EPHA6: variants seen among roughly 807,000 people sequenced by gnomAD.
EPHA6 encodes EPH receptor A6.
In EPHA6, 50 loss-of-function variants were observed where a neutral mutation model predicts 112.0. The ratio of observed to expected loss-of-function variants is 0.45; its 90% CI spans 0.36 to 0.56. The LOEUF (loss-of-function observed/expected upper bound fraction) is 0.56, where lower values mean the gene tolerates loss of function less well. Ranked by LOEUF, EPHA6 falls within the 20% of genes least tolerant of loss-of-function variation. The pLI is 0.00. For missense variants in EPHA6, 1,280 were observed against 1,417.4 expected, an observed-to-expected ratio of 0.90 and a Z score of 1.56; for synonymous variants, 529 against 490.7, an observed-to-expected ratio of 1.08 and a Z score of -1.03.
At chr3:97,130,287 C>T (rs563346369) in intron 3 of EPHA6, among the ~76,000 whole-genome samples, 5 of 151,910 alleles carry the variant, frequency 3.3e-5, no homozygotes, top group African/African-American at 1.2e-4. Flanking sequence ...TCTTTTTCTT[C>T]ATTTTTTCTC....
intron 11 of EPHA6, among the ~76,000 whole-genome samples, chr3:97,559,121 T>C (rs1027585865): frequency 6.6e-6 from 1 of 152,004 alleles, no homozygotes; most frequent in Non-Finnish European, 1.5e-5. Flanking sequence ...AGTATAATGA[T>C]GACAAAAGGA....
intron 3 of EPHA6, among the ~76,000 whole-genome samples, chr3:97,076,820 C>A (rs1034637170): frequency 6.6e-6 from 1 of 152,216 alleles, no homozygotes; most frequent in East Asian, 1.9e-4. Context: ...TATGGTAAAT[C>A]TACTCTGCCT....
At chr3:96,884,055 T>C (rs1292480540) in intron 2 of EPHA6, among the ~76,000 whole-genome samples, 2 of 152,178 alleles carry the variant, frequency 1.3e-5, no homozygotes, top group Non-Finnish European at 2.9e-5. Flanking sequence ...TTCTGGATTC[T>C]CTATTCTGTT....
At chr3:97,618,586 T>C (rs554681882) in intron 13 of EPHA6, among the ~76,000 whole-genome samples, 13 of 151,214 alleles carry the variant, frequency 8.6e-5, no homozygotes, top group African/African-American at 3.1e-4. Flanking sequence ...ATAAGGGAGA[T>C]ATTACCCCAC....
chr3:97,281,655 A>G (rs1192105097), intron 5 of EPHA6, among the ~76,000 whole-genome samples: 1 of 152,190 alleles, frequency 6.6e-6, no homozygotes, highest in Non-Finnish European at 1.5e-5. Context: ...TAATATTTTC[A>G]ACATCATCAT....
intron 5 of EPHA6, among the ~76,000 whole-genome samples, chr3:97,252,417 A>G (rs2108599982): frequency 6.6e-6 from 1 of 152,230 alleles, no homozygotes; most frequent in Admixed American, 6.5e-5. Context: ...ACTCACACAC[A>G]TACACACACA....
At chr3:97,576,417 C>T (rs2093385661) in intron 11 of EPHA6, among the ~76,000 whole-genome samples, 1 of 152,164 alleles carries the variant, frequency 6.6e-6, no homozygotes, top group Admixed American at 6.5e-5. Flanking sequence ...TTACATCCCA[C>T]TCATCAACTG....
chr3:97,419,400 G>A (rs534643608), intron 6 of EPHA6, among the ~76,000 whole-genome samples: 1 of 152,230 alleles, frequency 6.6e-6, no homozygotes, highest in South Asian at 2.1e-4. Context: ...GAGGTGGGTG[G>A]ATCACCTGAG....
intron 2 of EPHA6, among the ~76,000 whole-genome samples, chr3:96,896,887 G>C (rs2038300324): frequency 6.6e-6 from 1 of 151,970 alleles, no homozygotes; most frequent in Admixed American, 6.6e-5. Flanking sequence ...TAAATTTTTA[G>C]AAACTTCTGC....
intron 2 of EPHA6, among the ~76,000 whole-genome samples, chr3:96,884,658 T>C (rs149761911): frequency 0.012 from 1,874 of 152,256 alleles, 39 homozygotes; most frequent in African/African-American, 0.041. Flanking sequence ...AACGATCATA[T>C]TGTCAGCAAA....
intron 10 of EPHA6, among the ~76,000 whole-genome samples, chr3:97,513,449 T>A (rs994783366): frequency 7.2e-5 from 11 of 152,160 alleles, no homozygotes; most frequent in African/African-American, 2.4e-4. Context: ...ATGGATTTTT[T>A]AAAATGTGAT....
intron 5 of EPHA6, among the ~76,000 whole-genome samples, chr3:97,378,933 G>A (rs2085547503): frequency 6.6e-6 from 1 of 152,162 alleles, no homozygotes; most frequent in African/African-American, 2.4e-5. Context: ...AATGAGTTAA[G>A]ACTTTGGGGG....
intron 2 of EPHA6, among the ~76,000 whole-genome samples, chr3:96,935,009 T>C (rs1169887352): frequency 9.2e-5 from 14 of 151,802 alleles, no homozygotes; most frequent in Admixed American, 9.2e-4. Flanking sequence ...AATATAAAGA[T>C]TCAAATATTG....
intron 14 of EPHA6, among the ~76,000 whole-genome samples, chr3:97,643,295 T>C (rs1183548498): frequency 1.3e-5 from 2 of 151,480 alleles, no homozygotes; most frequent in Admixed American, 6.6e-5. Context: ...AAGGAAGCGC[T>C]AAACATGGAA....
intron 5 of EPHA6, among the ~76,000 whole-genome samples, chr3:97,305,115 C>A (rs965187225): frequency 6.6e-6 from 1 of 151,940 alleles, no homozygotes; most frequent in Non-Finnish European, 1.5e-5. Context: ...ATCTGGCCAA[C>A]AAACATCTGA....
At chr3:96,973,789 G>T (rs1176649610) in intron 2 of EPHA6, among the ~76,000 whole-genome samples, 2 of 145,594 alleles carry the variant, frequency 1.4e-5, no homozygotes, top group Admixed American at 7.0e-5. Flanking sequence ...CATGCCACTG[G>T]TCTCCAGCCT....
chr3:96,847,282 A>C (rs1444084122), intron 1 of EPHA6, among the ~76,000 whole-genome samples: 1 of 152,116 alleles, frequency 6.6e-6, no homozygotes, highest in Non-Finnish European at 1.5e-5. Flanking sequence ...CTCATGAATT[A>C]ACCCTAAGTA....
intron 5 of EPHA6, among the ~76,000 whole-genome samples, chr3:97,341,703 C>A (rs1336030793): frequency 6.6e-6 from 1 of 152,036 alleles, no homozygotes; most frequent in Non-Finnish European, 1.5e-5. Context: ...AAAATTCATT[C>A]TTTATAATTC....
At chr3:96,850,475 G>A (rs900849636) in intron 1 of EPHA6, among the ~76,000 whole-genome samples, 12 of 152,084 alleles carry the variant, frequency 7.9e-5, no homozygotes, top group African/African-American at 2.2e-4. Context: ...ATCTTAAGAC[G>A]TGAGGAAGAA....
Sources: gnomAD v4.1 joint callset for allele counts (sites outside exome capture counted in the v4.1 genomes callset) on GRCh38, gnomAD v4.1.1 for gene constraint, MANE v1.5 for transcripts, NCBI Gene and HGNC (gene_info 2026-07-23, HGNC 2026-07-21) for gene names.